Variants in EFCAB11 observed in about 807,000 individuals in gnomAD.
EFCAB11 encodes the protein EF-hand calcium binding domain 11.
A neutral mutation model predicts 23.0 loss-of-function variants in EFCAB11; 14 were observed. The ratio of observed to expected loss-of-function variants is 0.61; its 90% CI spans 0.40 to 0.95. The LOEUF is 0.95. Among genes scored for constraint, EFCAB11 ranks in the 40% least tolerant of loss-of-function variants. EFCAB11 has a pLI of 0.00. For synonymous variants in EFCAB11, 65 were observed against 66.6 expected (o/e 0.98, Z 0.11); for missense variants, 198 against 195.8 (o/e 1.01, Z -0.07).
chr14:89,952,720 G>A, intron 2 of EFCAB11: 1 of 528,478 alleles, frequency 1.9e-6, no homozygotes, highest in Non-Finnish European at 2.4e-6. Context: ...CAGGGTCCCT[G>A]GCTTTGCTGG....
chr14:89,881,466 T>TATATATATATATATATATATATA (rs10524743), intron 5 of EFCAB11, among the ~76,000 whole-genome samples: 42 of 122,164 alleles, frequency 3.4e-4, no homozygotes, highest in Non-Finnish European at 4.4e-4. Context: ...TATATATATA[T>TATATATATATATATATATATATA]TCTTTTTTTT....
chr14:89,951,658 A>G (rs1422623860), intron 2 of EFCAB11, among the ~76,000 whole-genome samples: 1 of 152,088 alleles, frequency 6.6e-6, no homozygotes, highest in Non-Finnish European at 1.5e-5. Flanking sequence ...CTGTAATCCC[A>G]GCACTTTGGG....
chr14:89,875,549 C>A (rs1427991347), intron 5 of EFCAB11, among the ~76,000 whole-genome samples: 1 of 151,930 alleles, frequency 6.6e-6, no homozygotes, highest in Non-Finnish European at 1.5e-5. Context: ...TATAAGTGGT[C>A]AAGAAAAGAG....
chr14:89,942,167 G>C (rs530327578), intron 3 of EFCAB11, among the ~76,000 whole-genome samples: 1 of 152,278 alleles, frequency 6.6e-6, no homozygotes, highest in African/African-American at 2.4e-5. Flanking sequence ...GGAACTGTGA[G>C]TCAATTAAAC....
chr14:89,863,773 A>T (rs1224495240), intron 5 of EFCAB11, among the ~76,000 whole-genome samples: 1 of 152,246 alleles, frequency 6.6e-6, no homozygotes, highest in African/African-American at 2.4e-5. Context: ...AGGACCTAGG[A>T]TGAAAAATTG....
intron 5 of EFCAB11, among the ~76,000 whole-genome samples, chr14:89,904,233 T>C (rs1889424471): frequency 6.6e-6 from 1 of 152,140 alleles, no homozygotes; most frequent in Non-Finnish European, 1.5e-5. Context: ...CAGTGTTTGG[T>C]TTTCTGTCCT....
rs111638696 is a variant in EFCAB11, at chr14:89,843,668, G to T, written c.411-46344C>A. Among the ~76,000 whole-genome samples, 1,520 of 152,220 alleles carry T rather than the reference G, an allele frequency of 1.0e-2. 14 individuals are homozygous for T. The highest frequency in any genetic ancestry group is 0.051 in the Middle Eastern group (15 of 292). Reference sequence around the variant, plus strand: ...CAATTAACTTTTCATACTTTATTACGTTAACATATATTGGGGCATCTTATA... The same window carrying T: ...CAATTAACTTTTCATACTTTATTACTTTAACATATATTGGGGCATCTTATA... On this transcript the variant is annotated intron_variant, in intron 5 of 5. Transcript: ENST00000316738.
At chr14:89,894,299 G>A (rs1438132108) in intron 5 of EFCAB11, among the ~76,000 whole-genome samples, 1 of 151,786 alleles carries the variant, frequency 6.6e-6, no homozygotes, top group Non-Finnish European at 1.5e-5. Context: ...TGCGGAACGT[G>A]CAGGTTTGTT....
chr14:89,949,481 C>CG (rs1217407914), intron 3 of EFCAB11, among the ~76,000 whole-genome samples: 2 of 151,542 alleles, frequency 1.3e-5, no homozygotes, highest in Non-Finnish European at 1.5e-5. Context: ...TCTCCTGCAT[C>CG]AGTCTCCAGA....
At chr14:89,935,704 T>G (rs1171491303) in intron 3 of EFCAB11, among the ~76,000 whole-genome samples, 1 of 152,126 alleles carries the variant, frequency 6.6e-6, no homozygotes, top group African/African-American at 2.4e-5. Flanking sequence ...GCAAAATCTG[T>G]CTCTACTAAA....
intron 5 of EFCAB11, among the ~76,000 whole-genome samples, chr14:89,927,244 C>G (rs139437971): frequency 5.5e-4 from 84 of 152,250 alleles, no homozygotes; most frequent in Non-Finnish European, 1.0e-3. Flanking sequence ...AAGTGTAATA[C>G]GGGCAAGTAC....
intron 5 of EFCAB11, among the ~76,000 whole-genome samples, chr14:89,867,885 G>A (rs1010760142): frequency 6.6e-6 from 1 of 152,192 alleles, no homozygotes; most frequent in African/African-American, 2.4e-5. Context: ...GGTGAGCTTA[G>A]CACCCAGAAA....
chr14:89,919,259 G>A (rs1889948907), intron 5 of EFCAB11, among the ~76,000 whole-genome samples: 2 of 152,084 alleles, frequency 1.3e-5, no homozygotes, highest in African/African-American at 2.4e-5. Context: ...GTATGATGGG[G>A]AGGCAGACAC....
At chr14:89,800,218 A>AACAG (rs1885730198) in intron 5 of EFCAB11, among the ~76,000 whole-genome samples, 1 of 143,150 alleles carries the variant, frequency 7.0e-6, no homozygotes, top group South Asian at 2.2e-4. Flanking sequence ...CAAACAAACA[A>AACAG]ACAAACGCAC....
chr14:89,954,236 G>T, intron 1 of EFCAB11: 1 of 1,175,618 alleles, frequency 8.5e-7, no homozygotes, highest in Non-Finnish European at 1.2e-6. Flanking sequence ...GCTAGGTGAC[G>T]CAAATTAATT....
chr14:89,804,309 G>T (rs770063737), intron 5 of EFCAB11, among the ~76,000 whole-genome samples: 2 of 152,218 alleles, frequency 1.3e-5, no homozygotes, highest in Non-Finnish European at 2.9e-5. Flanking sequence ...TCCAGTCTCA[G>T]GCTGGTAATT....
chr14:89,916,092 C>T (rs939975677), intron 5 of EFCAB11, among the ~76,000 whole-genome samples: 1 of 151,770 alleles, frequency 6.6e-6, no homozygotes, highest in Non-Finnish European at 1.5e-5. Flanking sequence ...AAAATAAATA[C>T]CCCTGAAGAA....
At chr14:89,867,869 A>G (rs1228476935) in intron 5 of EFCAB11, among the ~76,000 whole-genome samples, 1 of 152,202 alleles carries the variant, frequency 6.6e-6, no homozygotes, top group Non-Finnish European at 1.5e-5. Context: ...AGGGCACTGA[A>G]GAAGGGGTGA....
intron 5 of EFCAB11, among the ~76,000 whole-genome samples, chr14:89,872,968 T>C (rs1451645802): frequency 6.6e-6 from 1 of 152,218 alleles, no homozygotes; most frequent in Non-Finnish European, 1.5e-5. Flanking sequence ...CTTTCTCAGA[T>C]TTCTAACCTC....
Sources: allele counts gnomAD v4.1 joint callset (sites outside exome capture counted in the v4.1 genomes callset), GRCh38; gene constraint gnomAD v4.1.1; transcripts MANE v1.5; gene names NCBI Gene and HGNC (gene_info 2026-07-23, HGNC 2026-07-21).